RTF2: variants seen among roughly 807,000 people sequenced by gnomAD.
RTF2 encodes replication termination factor 2.
A neutral mutation model predicts 38.0 loss-of-function variants in RTF2; 18 were observed. The observed-to-expected ratio is 0.47, with a 90% confidence interval of 0.33 to 0.70. The LOEUF (loss-of-function observed/expected upper bound fraction) is 0.70. RTF2 is among the 30% of genes least tolerant of loss of function. The pLI is 0.02. For synonymous variants in RTF2, 126 were observed against 137.1 expected, an observed-to-expected ratio of 0.92 and a Z score of 0.57; for missense variants, 311 against 379.6, an observed-to-expected ratio of 0.82 and a Z score of 1.50.
At chr20:56,495,094 AT>A in intron 5 of RTF2, 1 of 770,256 alleles carries the variant, frequency 1.3e-6, no homozygotes, top group African/African-American at 1.7e-5. Flanking sequence ...CTAATTCCAG[AT>A]TACTTTAAAC....
chr20:56,495,617 CT>C (rs147636376), intron 5 of RTF2, among the ~76,000 whole-genome samples: 1 of 152,166 alleles, frequency 6.6e-6, no homozygotes, highest in African/African-American at 2.4e-5. Context: ...GCAGAGTACT[CT>C]TTGTGATTCT....
intron 5 of RTF2, among the ~76,000 whole-genome samples, chr20:56,508,779 A>C (rs905473523): frequency 6.6e-6 from 1 of 152,244 alleles, no homozygotes; most frequent in South Asian, 2.1e-4. Flanking sequence ...GGGAAAGAAT[A>C]GTTTTTTCAA....
chr20:56,484,291 A>C, intron 5 of RTF2, 102 bp downstream of exon 5: 1 of 1,027,604 alleles, frequency 9.7e-7, no homozygotes, highest in South Asian at 1.3e-5. Flanking sequence ...ATCAGCTCTC[A>C]TAAGTTGCTT....
chr20:56,482,665 C>G (rs1301666682), intron 4 of RTF2, among the ~76,000 whole-genome samples: 1 of 152,192 alleles, frequency 6.6e-6, no homozygotes, highest in Non-Finnish European at 1.5e-5. Context: ...TTTAAAAATT[C>G]TAAACAACAT....
At chr20:56,507,027 C>G (rs1984325042) in intron 5 of RTF2, among the ~76,000 whole-genome samples, 1 of 152,040 alleles carries the variant, frequency 6.6e-6, no homozygotes, top group African/African-American at 2.4e-5. Context: ...ACCATTTCAC[C>G]CATTCTTTGG....
chr20:56,511,259 C>T (rs1243274827), intron 5 of RTF2, among the ~76,000 whole-genome samples: 1 of 152,102 alleles, frequency 6.6e-6, no homozygotes, highest in South Asian at 2.1e-4. Flanking sequence ...GAGCCACAGG[C>T]GAGAGAACAT....
intron 1 of RTF2, chr20:56,472,564 T>C (rs1839221156): frequency 2.2e-6 from 1 of 454,132 alleles, no homozygotes; most frequent in African/African-American, 2.2e-5. Context: ...ATGTAGTCTT[T>C]GTTCTGAACT....
At chr20:56,494,134 C>T (rs997265837) in intron 5 of RTF2, among the ~76,000 whole-genome samples, 6 of 152,206 alleles carry the variant, frequency 3.9e-5, no homozygotes, top group Non-Finnish European at 7.3e-5. Flanking sequence ...CCCTACACAC[C>T]AGGGCTTGGC....
At position 56,518,550 on chromosome 20, in the gene RTF2, A is replaced by C; in HGVS notation, c.*285A>C. ...GGAAGCCCTGTGGGCTGCACTTTTT[A>C]TGCTTGCAGTAACAAGAGACTCCAG... On this transcript the variant is annotated 3_prime_UTR_variant, in exon 9 of 9. Coordinates refer to ENST00000357348, the MANE Select transcript of RTF2 (RefSeq NM_016407.5). 3.2e-6 allele frequency: 1 copy of C among 308,704 alleles called. No homozygotes were observed. The highest frequency in any genetic ancestry group is 5.6e-5 in the East Asian group (1 of 17,960). 19.1% of individuals were successfully genotyped at this position (308,704 alleles called of 1,614,324 possible).
chr20:56,473,259 T>A, intron 1 of RTF2, 42 bp from the exon 2 acceptor site: 2 of 1,374,142 alleles, frequency 1.5e-6, no homozygotes, highest in Non-Finnish European at 2.1e-6. Context: ...ACCATGTGTC[T>A]TTCAGAGTTG....
At chr20:56,508,036 T>A (rs1361012547) in intron 5 of RTF2, among the ~76,000 whole-genome samples, 4 of 152,200 alleles carry the variant, frequency 2.6e-5, no homozygotes, top group Non-Finnish European at 5.9e-5. Context: ...AATGCTAGAT[T>A]GGGCACGTGC....
chr20:56,479,941 A>C (rs1158270235), intron 4 of RTF2, among the ~76,000 whole-genome samples: 1 of 151,960 alleles, frequency 6.6e-6, no homozygotes, highest in Non-Finnish European at 1.5e-5. Context: ...GTACAGGCAG[A>C]GTAGACTTAC....
In RTF2 at chr20:56,473,296, A is replaced by G. The variant is rs765534037; in HGVS notation, c.70-5A>G. On this transcript the variant is annotated splice_polypyrimidine_tract_variant and splice_region_variant and intron_variant, in intron 1 of 8. Transcript: ENST00000357348. ...AAATTAATTGAATTTTTTGTTTTTTATTAGGTCGACAAAGATGCTGAATTA... is the reference window on the plus strand; with the variant it reads ...AAATTAATTGAATTTTTTGTTTTTTGTTAGGTCGACAAAGATGCTGAATTA... 1.2e-6 allele frequency: 2 copies of G among 1,609,378 alleles called. No individual in the cohort carries two copies. The highest frequency in any genetic ancestry group is 4.5e-5 in the East Asian group (2 of 44,834).
intron 5 of RTF2, chr20:56,497,172 G>A (rs1449591007): frequency 6.4e-7 from 1 of 1,551,098 alleles, no homozygotes; most frequent in South Asian, 1.2e-5. Context: ...CTTCATTGGG[G>A]CCTTTTCATC....
At chr20:56,512,811 A>G (rs1018532648) in intron 5 of RTF2, among the ~76,000 whole-genome samples, 2 of 152,148 alleles carry the variant, frequency 1.3e-5, no homozygotes, top group Admixed American at 1.3e-4. Flanking sequence ...CCCTCCCTCA[A>G]GGGGTTGTAC....
At chr20:56,489,228 T>TA (rs1433791095) in intron 5 of RTF2, among the ~76,000 whole-genome samples, 4 of 150,914 alleles carry the variant, frequency 2.7e-5, no homozygotes, top group Admixed American at 2.6e-4. Flanking sequence ...GTTATTTTTT[T>TA]TTTTTTTTTG....
chr20:56,505,265 T>C (rs1422573021), intron 5 of RTF2, among the ~76,000 whole-genome samples: 1 of 151,884 alleles, frequency 6.6e-6, no homozygotes, highest in Admixed American at 6.6e-5. Context: ...GGTGGGAAGA[T>C]TGCTTGAGGC....
At chr20:56,476,502 C>CTTTTTTTT (rs11472534) in intron 3 of RTF2, among the ~76,000 whole-genome samples, 1 of 142,288 alleles carries the variant, frequency 7.0e-6, no homozygotes, top group Non-Finnish European at 1.5e-5. Context: ...TTTCTGTTTT[C>CTTTTTTTT]TTTTTTTTTT....
intron 5 of RTF2, among the ~76,000 whole-genome samples, chr20:56,493,748 T>C (rs997696210): frequency 2.0e-5 from 3 of 152,082 alleles, no homozygotes; most frequent in African/African-American, 7.2e-5. Flanking sequence ...ACCTTGATTA[T>C]AATGATACAG....
Sources: allele counts gnomAD v4.1 joint callset (sites outside exome capture counted in the v4.1 genomes callset), GRCh38; gene constraint gnomAD v4.1.1; transcripts MANE v1.5; gene names NCBI Gene and HGNC (gene_info 2026-07-23, HGNC 2026-07-21).